ASTN2: variants seen among roughly 807,000 people sequenced by gnomAD.
The protein encoded by ASTN2 is astrotactin-2.
In ASTN2, 54 loss-of-function variants were observed where a neutral mutation model predicts 139.8. The ratio of observed to expected loss-of-function variants is 0.39; its 90% CI spans 0.31 to 0.48. The LOEUF (loss-of-function observed/expected upper bound fraction) is 0.48, where lower values mean the gene tolerates loss of function less well. ASTN2 is among the 20% of genes least tolerant of loss of function. ASTN2 has a pLI of 0.95. For synonymous variants in ASTN2, 756 were observed against 719.5 expected, an observed-to-expected ratio of 1.05 and a Z score of -0.81; for missense variants, 1,565 against 1,725.1, an observed-to-expected ratio of 0.91 and a Z score of 1.64.
Position 117,291,385 on chromosome 9 carries a change from G to C in ASTN2, c.571C>G (p.Leu191Val). The change falls in exon 2 of 23, where the codon CTC becomes GTC. Residue 191 changes from leucine to valine, a missense_variant. Physicochemically the swap from Leu to Val is conservative, Grantham distance 32 (BLOSUM62 1). Around this residue, in one of 4 missense-constraint regions of ASTN2, gnomAD observed 596 missense variants for 576.8 expected, o/e 1.03. Transcript: ENST00000313400. ...TCAACAATCTCCGAGGGCTCCTGGA[G>C]AGTGGGGGCGGTGGCTTGGGCCAGC... ...GQLAQATAPT[L>V]QEPSEIVEEQ... 6.2e-7 allele frequency: 1 copy of C among 1,614,228 alleles called. No individual in the cohort carries two copies.
At chr9:117,316,936 G>A (rs1225208685) in intron 1 of ASTN2, among the ~76,000 whole-genome samples, 2 of 152,170 alleles carry the variant, frequency 1.3e-5, no homozygotes, top group African/African-American at 4.8e-5. Context: ...CACACTGGGT[G>A]TATCTGGGCC....
At chr9:117,152,723 C>T (rs1386222258) in intron 3 of ASTN2, among the ~76,000 whole-genome samples, 1 of 152,154 alleles carries the variant, frequency 6.6e-6, no homozygotes, top group Non-Finnish European at 1.5e-5. Context: ...ACCCCACTCT[C>T]TTACTTTTAA....
At chr9:116,865,153 C>G (rs1832983252) in intron 10 of ASTN2, among the ~76,000 whole-genome samples, 1 of 151,888 alleles carries the variant, frequency 6.6e-6, no homozygotes, top group Admixed American at 6.6e-5. Context: ...TATTGCCAAG[C>G]CCTCTTGGGA....
intron 1 of ASTN2, among the ~76,000 whole-genome samples, chr9:117,401,923 G>A (rs1830840244): frequency 6.6e-6 from 1 of 152,166 alleles, no homozygotes; most frequent in African/African-American, 2.4e-5. Context: ...TGGCCCATGG[G>A]CTATATATAG....
chr9:116,823,028 C>T (rs1027812798), intron 11 of ASTN2, among the ~76,000 whole-genome samples: 1 of 152,152 alleles, frequency 6.6e-6, no homozygotes, highest in Admixed American at 6.5e-5. Flanking sequence ...GATGCTGAGG[C>T]CACCACAACC....
At chr9:117,340,807 G>A (rs183865544) in intron 1 of ASTN2, among the ~76,000 whole-genome samples, 170 of 152,270 alleles carry the variant, frequency 1.1e-3, no homozygotes, top group African/African-American at 3.6e-3. Flanking sequence ...CTAGGACCCC[G>A]GTCCCAGTTC....
chr9:116,791,023 GAA>G (rs1286644530), intron 13 of ASTN2, among the ~76,000 whole-genome samples: 1 of 126,758 alleles, frequency 7.9e-6, no homozygotes, highest in African/African-American at 2.9e-5. Context: ...AAGAAAGAAA[GAA>G]AGAAAGAAAG....
intron 2 of ASTN2, among the ~76,000 whole-genome samples, chr9:117,264,061 T>A (rs1833886950): frequency 6.6e-6 from 1 of 151,956 alleles, no homozygotes; most frequent in African/African-American, 2.4e-5. Context: ...TAAATAAATA[T>A]TTAAAAATAA....
At chr9:116,465,774 A>T (rs912511927) in intron 20 of ASTN2, among the ~76,000 whole-genome samples, 1 of 152,210 alleles carries the variant, frequency 6.6e-6, no homozygotes, top group Non-Finnish European at 1.5e-5. Context: ...ATGCAGATTC[A>T]GGAGAGTGGC....
intron 19 of ASTN2, among the ~76,000 whole-genome samples, chr9:116,497,837 A>C (rs1849717800): frequency 6.6e-6 from 1 of 152,094 alleles, no homozygotes; most frequent in South Asian, 2.1e-4. Context: ...GTTTTCTTTT[A>C]CTTTTTTCCT....
intron 19 of ASTN2, among the ~76,000 whole-genome samples, chr9:116,540,038 C>T (rs1542987): frequency 1.3e-5 from 2 of 151,986 alleles, no homozygotes; most frequent in East Asian, 1.9e-4. Flanking sequence ...TAAAATGAAT[C>T]GCATCTTGAT....
intron 3 of ASTN2, among the ~76,000 whole-genome samples, chr9:117,188,180 GAGAGAGAGAGAGAC>G (rs765599936): frequency 0.018 from 1,283 of 69,612 alleles, 25 homozygotes; most frequent in Admixed American, 0.097. Flanking sequence ...GAGAGAGAGA[GAGAGAGAGAGAGAC>G]AGAGAGAGAG....
chr9:116,605,797 A>T (rs1002277298), intron 19 of ASTN2, among the ~76,000 whole-genome samples: 1 of 152,166 alleles, frequency 6.6e-6, no homozygotes, highest in Admixed American at 6.6e-5. Context: ...ATCTGCCTCT[A>T]GGTCTATTCT....
chr9:117,165,646 C>T (rs1210701880), intron 3 of ASTN2, among the ~76,000 whole-genome samples: 2 of 152,114 alleles, frequency 1.3e-5, no homozygotes, highest in East Asian at 3.9e-4. Context: ...CTGCATTCCA[C>T]ACAAACCCTT....
At chr9:116,565,351 TTC>T (rs772428232) in intron 19 of ASTN2, among the ~76,000 whole-genome samples, 144 of 35,996 alleles carry the variant, frequency 4.0e-3, no homozygotes, top group African/African-American at 0.015. Flanking sequence ...AAGACACTGT[TTC>T]TCTCTCTCTC....
chr9:117,028,355 A>C (rs770049416), intron 6 of ASTN2, among the ~76,000 whole-genome samples: 3 of 152,180 alleles, frequency 2.0e-5, no homozygotes, highest in Non-Finnish European at 4.4e-5. Context: ...GGCTTACATA[A>C]TCCAGAGGAA....
chr9:116,879,549 G>A (rs1294536041), intron 10 of ASTN2, among the ~76,000 whole-genome samples: 2 of 152,064 alleles, frequency 1.3e-5, no homozygotes, highest in African/African-American at 4.8e-5. Flanking sequence ...TTATAATACC[G>A]AATTCTTAGT....
chr9:117,405,276 G>C (rs1830950556), intron 1 of ASTN2, among the ~76,000 whole-genome samples: 1 of 152,216 alleles, frequency 6.6e-6, no homozygotes, highest in Non-Finnish European at 1.5e-5. Flanking sequence ...ATAGACTATG[G>C]AACCAGGCAG....
chr9:116,840,079 T>C (rs1209323364), intron 11 of ASTN2, among the ~76,000 whole-genome samples: 3 of 148,050 alleles, frequency 2.0e-5, no homozygotes, highest in South Asian at 2.2e-4. Context: ...GTGATGACTC[T>C]TAAGGAGCAT....
Sources: allele counts gnomAD v4.1 joint callset (sites outside exome capture counted in the v4.1 genomes callset), GRCh38; gene constraint gnomAD v4.1.1; regional missense constraint gnomAD v4.1.1; transcripts MANE v1.5; gene names NCBI Gene and HGNC (gene_info 2026-07-23, HGNC 2026-07-21).